ATP2B1: variants seen among roughly 807,000 people sequenced by gnomAD.
ATP2B1 encodes the protein plasma membrane calcium-transporting ATPase 1.
A neutral mutation model predicts 124.2 loss-of-function variants in ATP2B1; 14 were observed. The ratio of observed to expected loss-of-function variants is 0.11; its 90% CI spans 0.07 to 0.18. ATP2B1 has a LOEUF of 0.18. ATP2B1 is among the 10% of genes least tolerant of loss of function. The pLI is 1.00. For missense variants in ATP2B1, 763 were observed against 1,466.1 expected (o/e 0.52, Z 7.83); for synonymous variants, 449 against 492.4 (o/e 0.91, Z 1.17).
chr12:89,601,053 C>G (rs1269186537), intron 19 of ATP2B1, among the ~76,000 whole-genome samples: 2 of 151,952 alleles, frequency 1.3e-5, no homozygotes, highest in African/African-American at 4.8e-5. Flanking sequence ...ATAAATACAT[C>G]ATTTTTAAAA....
At chr12:89,634,230 C>T (rs946597637) in intron 5 of ATP2B1, among the ~76,000 whole-genome samples, 3 of 152,112 alleles carry the variant, frequency 2.0e-5, no homozygotes, top group Non-Finnish European at 4.4e-5. Flanking sequence ...GGAGGTGTGA[C>T]TGCTAGACCT....
At chr12:89,644,214 T>C (rs1478005609) in intron 2 of ATP2B1, among the ~76,000 whole-genome samples, 1 of 152,190 alleles carries the variant, frequency 6.6e-6, no homozygotes, top group Non-Finnish European at 1.5e-5. Flanking sequence ...ATATTAAACC[T>C]AACTTCAATT....
intron 1 of ATP2B1, among the ~76,000 whole-genome samples, chr12:89,656,985 A>G (rs1254206380): frequency 6.6e-6 from 1 of 152,206 alleles, no homozygotes; most frequent in African/African-American, 2.4e-5. Context: ...GAATACATGC[A>G]TTACATTTAT....
At chr12:89,681,608 G>A (rs954382608) in intron 1 of ATP2B1, among the ~76,000 whole-genome samples, 1 of 151,940 alleles carries the variant, frequency 6.6e-6, no homozygotes, top group Non-Finnish European at 1.5e-5. Context: ...AGAAAATTTA[G>A]ACCAACATTA....
In ATP2B1 at chr12:89,591,215, A is replaced by G. The variant is rs1343870393; in HGVS notation, c.3432T>C (p.Phe1144=). The change falls in exon 21 of 21, where the codon TTT becomes TTC. Residue 1144 remains phenylalanine (F), a synonymous_variant. Transcript: ENST00000428670. Reference sequence around the variant, plus strand: ...CTATCCTAAACTCAGGATGTGTCATAAAGTTGTGAATCGAACTTCTTGATT... The same window carrying G: ...CTATCCTAAACTCAGGATGTGTCATGAAGTTGTGAATCGAACTTCTTGATT... The part of the protein sequence containing the change: ...KPESRSSIHN[F]MTHPEFRIED... The G allele has an allele frequency of 1.2e-6, 2 of 1,613,212 alleles. No individual in the cohort carries two copies. The highest frequency in any genetic ancestry group is 3.3e-5 in the Admixed American group (2 of 59,926).
intron 1 of ATP2B1, among the ~76,000 whole-genome samples, chr12:89,680,727 T>C (rs1013066171): frequency 6.6e-6 from 1 of 151,852 alleles, no homozygotes; most frequent in African/African-American, 2.4e-5. Flanking sequence ...ACCAGCATAA[T>C]GAAAGGGTCC....
chr12:89,680,342 C>T (rs1157220467), intron 1 of ATP2B1, among the ~76,000 whole-genome samples: 1 of 151,844 alleles, frequency 6.6e-6, no homozygotes, highest in Non-Finnish European at 1.5e-5. Flanking sequence ...CACCTGGAAC[C>T]AAAAATTCAA....
At chr12:89,669,569 C>A (rs1015961409) in intron 1 of ATP2B1, among the ~76,000 whole-genome samples, 1 of 152,116 alleles carries the variant, frequency 6.6e-6, no homozygotes, top group Non-Finnish European at 1.5e-5. Context: ...GATATCACCT[C>A]CATCTCATAA....
chr12:89,688,516 A>C (rs1890207636), intron 1 of ATP2B1, among the ~76,000 whole-genome samples: 1 of 152,108 alleles, frequency 6.6e-6, no homozygotes, highest in African/African-American at 2.4e-5. Flanking sequence ...CAGACAATAA[A>C]TTTCATTTTA....
At chr12:89,697,990 A>G (rs753168426) in intron 1 of ATP2B1, among the ~76,000 whole-genome samples, 56 of 152,112 alleles carry the variant, frequency 3.7e-4, no homozygotes, top group Non-Finnish European at 5.7e-4. Flanking sequence ...CTCCTGCCTC[A>G]GCCTCTAGTA....
Position 89,630,493 on chromosome 12 carries a change from T to A in ATP2B1, c.928+12A>T. ...TTTCCAAATACCAATTATAGAAAAT[T>A]GTTATTCTTACTTTTCTTTTCCTTT... On this transcript the variant is annotated intron_variant, in intron 6 of 20. Coordinates refer to ENST00000428670, the MANE Select transcript of ATP2B1 (RefSeq NM_001366521.1). The A allele has an allele frequency of 6.5e-7, 1 of 1,539,214 alleles. No homozygotes were observed. Among genetic ancestry groups the A allele is most frequent in the Non-Finnish European group, 8.8e-7 (1 of 1,140,066 alleles).
At chr12:89,688,872 C>A (rs569248938) in intron 1 of ATP2B1, among the ~76,000 whole-genome samples, 6 of 152,166 alleles carry the variant, frequency 3.9e-5, no homozygotes, top group Admixed American at 2.0e-4. Context: ...GTCTCCCAGT[C>A]CAAGTATAAA....
At chr12:89,668,961 A>C (rs1468441898) in intron 1 of ATP2B1, among the ~76,000 whole-genome samples, 1 of 152,178 alleles carries the variant, frequency 6.6e-6, no homozygotes, top group Non-Finnish European at 1.5e-5. Context: ...GAACAATTAA[A>C]ATGCTCTCTA....
chr12:89,684,784 C>T (rs549292283), intron 1 of ATP2B1, among the ~76,000 whole-genome samples: 31 of 152,272 alleles, frequency 2.0e-4, no homozygotes, highest in South Asian at 1.9e-3. Flanking sequence ...TTCTCTCCCT[C>T]TTGCCTATTA....
intron 3 of ATP2B1, among the ~76,000 whole-genome samples, chr12:89,639,314 G>C (rs1883155901): frequency 6.6e-6 from 1 of 152,078 alleles, no homozygotes; most frequent in Non-Finnish European, 1.5e-5. Flanking sequence ...GACCAGCCTG[G>C]CCAACATGGT....
intron 1 of ATP2B1, among the ~76,000 whole-genome samples, chr12:89,695,045 C>A (rs1592999871): frequency 9.8e-5 from 6 of 61,104 alleles, no homozygotes; most frequent in Admixed American, 7.3e-4. Context: ...GCGACAAGAG[C>A]AAGATGCTGT....
chr12:89,643,425 T>A (rs1365745820), intron 2 of ATP2B1, among the ~76,000 whole-genome samples: 1 of 152,154 alleles, frequency 6.6e-6, no homozygotes, highest in Admixed American at 6.5e-5. Context: ...CTAAAATGTC[T>A]CTGTTATACT....
In ATP2B1 at chr12:89,588,810, C is replaced by CATAAAATAAAATAAA. The variant is rs1455956992; in HGVS notation, c.*2173_*2174insTTTATTTTATTTTAT. 1 of 152,478 alleles carries CATAAAATAAAATAAA rather than the reference C, an allele frequency of 6.6e-6. No homozygotes were observed. Among genetic ancestry groups the CATAAAATAAAATAAA allele is most frequent in the East Asian group, 1.9e-4 (1 of 5,198 alleles). 9.4% of individuals were successfully genotyped at this position (152,478 alleles called of 1,614,324 possible). On this transcript the variant is annotated 3_prime_UTR_variant, in exon 21 of 21. Transcript: ENST00000428670. ...AATTACATTCATATTTAAGCATAAC[C>CATAAAATAAAATAAA]AAAATAAAAAAGAAAACTGAAAACA...
At chr12:89,704,518 G>A (rs1162859047) in intron 1 of ATP2B1, among the ~76,000 whole-genome samples, 1 of 152,122 alleles carries the variant, frequency 6.6e-6, no homozygotes, top group South Asian at 2.1e-4. Flanking sequence ...AGAGCAATGA[G>A]CAAAATCTAG....
Sources: allele counts gnomAD v4.1 joint callset (sites outside exome capture counted in the v4.1 genomes callset), GRCh38; gene constraint gnomAD v4.1.1; transcripts MANE v1.5; gene names NCBI Gene and HGNC (gene_info 2026-07-23, HGNC 2026-07-21).